Variants in CACNA2D2 observed in about 807,000 individuals in gnomAD.
CACNA2D2 encodes voltage-dependent calcium channel subunit alpha-2/delta-2.
In CACNA2D2, 48 loss-of-function variants were observed where a neutral mutation model predicts 166.4. The ratio of observed to expected loss-of-function variants is 0.29; its 90% CI spans 0.23 to 0.37. CACNA2D2 has a LOEUF of 0.37. Ranked by LOEUF, CACNA2D2 falls within the 10% of genes least tolerant of loss-of-function variation. CACNA2D2 has a pLI of 1.00. For synonymous variants in CACNA2D2, 561 were observed against 573.7 expected (o/e 0.98, Z 0.32); for missense variants, 1,122 against 1,433.0 (o/e 0.78, Z 3.50).
At chr3:50,472,887 T>C (rs1423308615) in intron 2 of CACNA2D2, among the ~76,000 whole-genome samples, 2 of 152,168 alleles carry the variant, frequency 1.3e-5, no homozygotes, top group Non-Finnish European at 2.9e-5. Context: ...TGGGACAATA[T>C]GGTGCTGAAG....
chr3:50,434,850 C>T (rs1400236995), intron 2 of CACNA2D2, among the ~76,000 whole-genome samples: 2 of 152,250 alleles, frequency 1.3e-5, no homozygotes, highest in Admixed American at 1.3e-4. Context: ...CCACATACCC[C>T]ATCCCAAAAA....
intron 2 of CACNA2D2, among the ~76,000 whole-genome samples, chr3:50,458,915 G>T (rs146055092): frequency 6.6e-6 from 1 of 152,178 alleles, no homozygotes; most frequent in Non-Finnish European, 1.5e-5. Context: ...TCCCTTCCCC[G>T]GGTTTCTGGC....
intron 2 of CACNA2D2, among the ~76,000 whole-genome samples, chr3:50,442,862 G>A (rs575905177): frequency 8.5e-5 from 13 of 152,330 alleles, no homozygotes; most frequent in Admixed American, 8.5e-4. Flanking sequence ...GACAGTTCCA[G>A]CCTCCAGGCC....
intron 23 of CACNA2D2, among the ~76,000 whole-genome samples, chr3:50,369,219 G>GTC (rs895577415): frequency 2.0e-5 from 3 of 152,234 alleles, no homozygotes; most frequent in Non-Finnish European, 4.4e-5. Context: ...GTCACTTGCA[G>GTC]TCTCTCCTGT....
chr3:50,365,119 C>G lies in CACNA2D2; in HGVS notation c.3164G>C (p.Cys1055Ser). 6.2e-7 allele frequency: 1 copy of G among 1,612,124 alleles called. No homozygotes were observed. The highest frequency in any genetic ancestry group is 8.5e-7 in the Non-Finnish European group (1 of 1,179,714). The change falls in exon 36 of 38, where the codon TGC becomes TCC. Residue 1055 changes from cysteine (C) to serine (S), a missense_variant. Coordinates refer to ENST00000424201, the MANE Select transcript of CACNA2D2 (RefSeq NM_006030.4). The surrounding 1 kb of genome is among the most constrained non-coding windows in gnomAD (Gnocchi z 4.5). Reference sequence around the variant, plus strand: ...CAGCCGGCCAGCCTCGCACTGGCTGCACAGCGGCTTCTCGGCCACCACAAA... The same window carrying G: ...CAGCCGGCCAGCCTCGCACTGGCTGGACAGCGGCTTCTCGGCCACCACAAA... ...LLFVVAEKPL[C>S]SQCEAGRLLQ...
intron 5 of CACNA2D2, among the ~76,000 whole-genome samples, chr3:50,385,212 G>A (rs1393027671): frequency 1.3e-5 from 2 of 152,296 alleles, no homozygotes; most frequent in Admixed American, 1.3e-4. Flanking sequence ...TGGTGGTAGA[G>A]AGTGAAGGTG....
chr3:50,468,496 A>G (rs1709930378), intron 2 of CACNA2D2, among the ~76,000 whole-genome samples: 3 of 150,156 alleles, frequency 2.0e-5, no homozygotes, highest in Admixed American at 1.3e-4. Flanking sequence ...GGAAGGATTG[A>G]GCGGCCCTCA....
At chr3:50,501,554 G>T (rs1250832601) in intron 1 of CACNA2D2, among the ~76,000 whole-genome samples, 2 of 152,214 alleles carry the variant, frequency 1.3e-5, no homozygotes, top group African/African-American at 2.4e-5. Context: ...CTCTGGTCAG[G>T]TTCTCACATC....
Position 50,378,233 on chromosome 3 carries a change from G to A in CACNA2D2, c.1389+51C>T, listed in dbSNP as rs140504242. 14,432 of 1,549,702 alleles carry A rather than the reference G, an allele frequency of 9.3e-3. 90 individuals carry two copies. The highest frequency in any genetic ancestry group is 0.011 in the Non-Finnish European group (12,287 of 1,142,120). On this transcript the variant is annotated intron_variant, in intron 14 of 37. Coordinates refer to ENST00000424201, the MANE Select transcript of CACNA2D2 (RefSeq NM_006030.4). ...CCCACAGCAGCCCATGGCACACAGC[G>A]TCCCTGCAGGGAAGCCAGGGGCTGG...
chr3:50,483,276 A>G (rs139054326), intron 1 of CACNA2D2, among the ~76,000 whole-genome samples: 1 of 152,140 alleles, frequency 6.6e-6, no homozygotes, highest in Non-Finnish European at 1.5e-5. Context: ...GCATGCACAC[A>G]GGAACCAAGG....
chr3:50,424,860 G>A (rs1162278895), intron 3 of CACNA2D2, among the ~76,000 whole-genome samples: 1 of 152,078 alleles, frequency 6.6e-6, no homozygotes, highest in Non-Finnish European at 1.5e-5. Flanking sequence ...GAAACCTCAG[G>A]GGTTAGCTTG....
At chr3:50,489,024 A>G (rs1251419787) in intron 1 of CACNA2D2, among the ~76,000 whole-genome samples, 1 of 152,258 alleles carries the variant, frequency 6.6e-6, no homozygotes, top group East Asian at 1.9e-4. Context: ...TGACACAGAT[A>G]TTGTCACTAG....
chr3:50,428,880 G>A (rs1246560366), intron 3 of CACNA2D2, among the ~76,000 whole-genome samples: 1 of 152,224 alleles, frequency 6.6e-6, no homozygotes, highest in Admixed American at 6.5e-5. Context: ...TAGCACAGAG[G>A]AGGGCAGTGG....
At chr3:50,401,955 C>A (rs1001667462) in intron 3 of CACNA2D2, among the ~76,000 whole-genome samples, 2 of 152,118 alleles carry the variant, frequency 1.3e-5, no homozygotes, top group South Asian at 4.1e-4. Flanking sequence ...TCAAGTCATC[C>A]GCCTGCCTTG....
chr3:50,459,993 C>T (rs1397187295), intron 2 of CACNA2D2, among the ~76,000 whole-genome samples: 1 of 152,180 alleles, frequency 6.6e-6, no homozygotes, highest in Non-Finnish European at 1.5e-5. Flanking sequence ...GGAACTGTCC[C>T]AGACTATCCC....
At chr3:50,502,425 C>CA (rs1699012615) in intron 1 of CACNA2D2, among the ~76,000 whole-genome samples, 1 of 152,234 alleles carries the variant, frequency 6.6e-6, no homozygotes, top group South Asian at 2.1e-4. Context: ...TGGCTAAGCT[C>CA]ACCCGTAGGA....
At chr3:50,413,643 T>C (rs779336739) in intron 3 of CACNA2D2, among the ~76,000 whole-genome samples, 6 of 152,022 alleles carry the variant, frequency 3.9e-5, no homozygotes, top group Admixed American at 6.5e-5. Flanking sequence ...GGCCAGGAGT[T>C]CGAGACCAGA....
At chr3:50,423,592 A>G (rs1375173966) in intron 3 of CACNA2D2, among the ~76,000 whole-genome samples, 1 of 152,164 alleles carries the variant, frequency 6.6e-6, no homozygotes, top group East Asian at 1.9e-4. Flanking sequence ...GAGGGGCTGG[A>G]CCCTAGGCAT....
At chr3:50,424,052 C>G (rs570003310) in intron 3 of CACNA2D2, among the ~76,000 whole-genome samples, 2 of 152,230 alleles carry the variant, frequency 1.3e-5, no homozygotes, top group Admixed American at 6.5e-5. Flanking sequence ...CAGATCTGTG[C>G]GGCCATACCT....
Sources: allele counts gnomAD v4.1 joint callset (sites outside exome capture counted in the v4.1 genomes callset), GRCh38; gene constraint gnomAD v4.1.1; non-coding constraint Gnocchi (gnomAD v3.1); transcripts MANE v1.5; gene names NCBI Gene and HGNC (gene_info 2026-07-23, HGNC 2026-07-21).